The following GNAQ variants were observed in gnomAD, a reference collection of about 807,000 sequenced individuals.
GNAQ encodes the protein guanine nucleotide-binding protein G(q) subunit alpha.
GNAQ carries 8 observed loss-of-function variants against 43.9 expected under a neutral mutation model. The ratio of observed to expected loss-of-function variants is 0.18; its 90% CI spans 0.11 to 0.33. GNAQ has a LOEUF of 0.33. Among genes scored for constraint, GNAQ ranks in the 10% least tolerant of loss-of-function variants. The pLI is 1.00. For missense variants in GNAQ, 158 were observed against 450.8 expected, an observed-to-expected ratio of 0.35 and a Z score of 5.88; for synonymous variants, 155 against 170.7, an observed-to-expected ratio of 0.91 and a Z score of 0.71.
At chr9:77,998,839 C>A (rs569832157) in intron 1 of GNAQ, among the ~76,000 whole-genome samples, 4 of 152,026 alleles carry the variant, frequency 2.6e-5, no homozygotes, top group Non-Finnish European at 2.9e-5. Flanking sequence ...ATAATCCCAG[C>A]ACTTTAGAAG....
At chr9:77,916,811 G>A (rs1162745589) in intron 2 of GNAQ, among the ~76,000 whole-genome samples, 1 of 151,706 alleles carries the variant, frequency 6.6e-6, no homozygotes, top group Non-Finnish European at 1.5e-5. Flanking sequence ...CCAAGGTGAG[G>A]CGGAGTTCTC....
chr9:77,959,152 G>A (rs2118410336), intron 1 of GNAQ, among the ~76,000 whole-genome samples: 1 of 152,172 alleles, frequency 6.6e-6, no homozygotes. Flanking sequence ...GATTCTTCAC[G>A]CATTAAAGAG....
intron 5 of GNAQ, among the ~76,000 whole-genome samples, chr9:77,778,246 T>C (rs1826336018): frequency 6.6e-6 from 1 of 150,648 alleles, no homozygotes; most frequent in Non-Finnish European, 1.5e-5. Context: ...CACACACGTA[T>C]TCCTCTATAT....
chr9:77,771,538 A>G (rs1826222628), intron 5 of GNAQ, among the ~76,000 whole-genome samples: 1 of 152,224 alleles, frequency 6.6e-6, no homozygotes, highest in African/African-American at 2.4e-5. Flanking sequence ...ACAGGCGAAG[A>G]CAAGGATGTC....
chr9:77,724,315 G>A (rs1029337274), intron 6 of GNAQ, among the ~76,000 whole-genome samples: 18 of 151,846 alleles, frequency 1.2e-4, no homozygotes, highest in South Asian at 2.1e-4. Context: ...CCTCAGCCTC[G>A]TGGGTAGCTG....
At chr9:77,827,725 A>G (rs1164880665) in intron 2 of GNAQ, among the ~76,000 whole-genome samples, 1 of 152,144 alleles carries the variant, frequency 6.6e-6, no homozygotes, top group African/African-American at 2.4e-5. Flanking sequence ...CCACTTACAT[A>G]CATTTTAAAT....
chr9:77,920,876 A>G (rs1828986188), intron 2 of GNAQ, among the ~76,000 whole-genome samples: 1 of 152,216 alleles, frequency 6.6e-6, no homozygotes, highest in Non-Finnish European at 1.5e-5. Flanking sequence ...ATGATTTGGT[A>G]TTTTATTATA....
At chr9:77,883,126 G>A (rs1457915622) in intron 2 of GNAQ, among the ~76,000 whole-genome samples, 1 of 152,166 alleles carries the variant, frequency 6.6e-6, no homozygotes, top group Non-Finnish European at 1.5e-5. Context: ...AAACATAGTC[G>A]CTGGAAGTTT....
chr9:77,946,379 A>T (rs879527023), intron 1 of GNAQ, among the ~76,000 whole-genome samples: 1 of 152,236 alleles, frequency 6.6e-6, no homozygotes, highest in African/African-American at 2.4e-5. Context: ...AAGGATTGAG[A>T]ATAAGCAGAA....
chr9:77,858,419 G>C (rs185859091), intron 2 of GNAQ, among the ~76,000 whole-genome samples: 33 of 152,248 alleles, frequency 2.2e-4, no homozygotes, highest in Non-Finnish European at 1.8e-4. Context: ...CAACCATTTA[G>C]AGTGACCACT....
At chr9:77,764,941 G>A (rs930790120) in intron 5 of GNAQ, among the ~76,000 whole-genome samples, 1 of 152,104 alleles carries the variant, frequency 6.6e-6, no homozygotes, top group Non-Finnish European at 1.5e-5. Flanking sequence ...AGACTCTTCC[G>A]TGTTAACATT....
intron 2 of GNAQ, among the ~76,000 whole-genome samples, chr9:77,917,273 G>A (rs1240918526): frequency 6.6e-6 from 1 of 152,016 alleles, no homozygotes; most frequent in Non-Finnish European, 1.5e-5. Context: ...CATAAACACA[G>A]GCACTTTATA....
At chr9:77,985,044 C>T (rs1189233438) in intron 1 of GNAQ, among the ~76,000 whole-genome samples, 1 of 152,180 alleles carries the variant, frequency 6.6e-6, no homozygotes, top group Non-Finnish European at 1.5e-5. Context: ...GGCGCGGTGA[C>T]TCACACCTGT....
chr9:77,963,566 C>T (rs1334750133), intron 1 of GNAQ, among the ~76,000 whole-genome samples: 1 of 151,998 alleles, frequency 6.6e-6, no homozygotes, highest in Non-Finnish European at 1.5e-5. Flanking sequence ...AAAGCAATGG[C>T]TACGAAGAGG....
intron 2 of GNAQ, among the ~76,000 whole-genome samples, chr9:77,905,862 T>A (rs897097844): frequency 2.0e-5 from 3 of 152,042 alleles, no homozygotes; most frequent in African/African-American, 7.2e-5. Flanking sequence ...TTCTCTCTCA[T>A]AAGTAGGAGT....
At chr9:77,762,907 C>T (rs1436767800) in intron 5 of GNAQ, among the ~76,000 whole-genome samples, 72 of 151,976 alleles carry the variant, frequency 4.7e-4, no homozygotes, top group African/African-American at 1.7e-3. Flanking sequence ...GCAGCATGCT[C>T]GTTAAGAGTC....
At chr9:77,814,945 CCTTT>C (rs1167274047) in intron 3 of GNAQ, among the ~76,000 whole-genome samples, 2 of 152,230 alleles carry the variant, frequency 1.3e-5, no homozygotes, top group African/African-American at 4.8e-5. Context: ...ATCTTTACTT[CCTTT>C]CTGTTAGGTG....
chr9:78,022,773 CATACTATA>C (rs1268738365), intron 1 of GNAQ, among the ~76,000 whole-genome samples: 2 of 152,164 alleles, frequency 1.3e-5, no homozygotes, highest in Non-Finnish European at 2.9e-5. Context: ...AGAAAGAACG[CATACTATA>C]ATGAAGGAGC....
At chr9:77,766,862 C>T (rs928824639) in intron 5 of GNAQ, among the ~76,000 whole-genome samples, 3 of 152,074 alleles carry the variant, frequency 2.0e-5, no homozygotes, top group Admixed American at 6.6e-5. Flanking sequence ...CTATGTGGGA[C>T]CTCTCTGGGG....
Sources: allele counts gnomAD v4.1 joint callset (sites outside exome capture counted in the v4.1 genomes callset), GRCh38; gene constraint gnomAD v4.1.1; transcripts MANE v1.5; gene names NCBI Gene and HGNC (gene_info 2026-07-23, HGNC 2026-07-21).